The following CDKN2B-AS1 variants were observed in gnomAD, a reference collection of about 807,000 sequenced individuals.
The protein encoded by CDKN2B-AS1 is CDKN2B and CDKN2A antisense cis and trans regulatory RNA 1.
intron 1 of CDKN2B-AS1, among the ~76,000 whole-genome samples, chr9:22,044,220 T>A (rs1274634928): frequency 6.6e-6 from 1 of 151,992 alleles, no homozygotes; most frequent in African/African-American, 2.4e-5. Context: ...TTACAAAAAT[T>A]TGGATGTGAT....
intron 4 of CDKN2B-AS1, among the ~76,000 whole-genome samples, chr9:22,108,611 A>G (rs1411968436): frequency 6.6e-6 from 1 of 152,212 alleles, no homozygotes; most frequent in South Asian, 2.1e-4. Flanking sequence ...ACACTGAATT[A>G]TTCCTTTAGA....
chr9:22,013,998 G>C (rs924072338), intron 1 of CDKN2B-AS1, among the ~76,000 whole-genome samples: 1 of 152,006 alleles, frequency 6.6e-6, no homozygotes, highest in African/African-American at 2.4e-5. Flanking sequence ...GTGGGATTAC[G>C]TACTTTCACC....
Position 22,095,032 on chromosome 9 carries a change from T to A in CDKN2B-AS1, n.439-32071T>A, listed in dbSNP as rs1380141262. ...TGTTTGTTAGTTTTCCTTCTAACAG[T>A]CAGGACCCTCAGCTGCAGGTCTGTT... On this transcript the variant is annotated intron_variant and non_coding_transcript_variant, in intron 4 of 4. Coordinates refer to ENST00000650946, the Ensembl canonical transcript of CDKN2B-AS1. Among the ~76,000 whole-genome samples the A allele has an allele frequency of 1.4e-5, 2 of 145,030 alleles. 1 individual carries two copies. Among genetic ancestry groups the A allele is most frequent in the African/African-American group, 5.7e-5 (2 of 35,020 alleles).
chr9:22,051,682 A>G (rs1433341007), intron 3 of CDKN2B-AS1, among the ~76,000 whole-genome samples: 2 of 152,140 alleles, frequency 1.3e-5, no homozygotes, highest in Non-Finnish European at 2.9e-5. Context: ...TATGTAGTAA[A>G]CACTACTTAA....
chr9:22,027,422 G>GA (rs1418936823), intron 1 of CDKN2B-AS1, among the ~76,000 whole-genome samples: 1 of 152,108 alleles, frequency 6.6e-6, no homozygotes, highest in Non-Finnish European at 1.5e-5. Flanking sequence ...AAAGCACTCA[G>GA]AAAAAATGCC....
At chr9:22,029,525 C>A in intron 1 of CDKN2B-AS1, 1 of 779,496 alleles carries the variant, frequency 1.3e-6, no homozygotes, top group Non-Finnish European at 2.4e-6. Flanking sequence ...TGATCTCCGT[C>A]CTGGCCCCCA....
intron 1 of CDKN2B-AS1, among the ~76,000 whole-genome samples, chr9:22,043,571 A>T (rs1822987748): frequency 6.6e-6 from 1 of 151,612 alleles, no homozygotes; most frequent in Non-Finnish European, 1.5e-5. Context: ...TCAAAATGTG[A>T]CTCTACTTCC....
chr9:22,010,575 A>G (rs554288188), intron 1 of CDKN2B-AS1, among the ~76,000 whole-genome samples: 33 of 152,324 alleles, frequency 2.2e-4, no homozygotes, highest in Non-Finnish European at 3.7e-4. Flanking sequence ...AATTAAAAAA[A>G]GCTCTTTCTT....
At chr9:22,114,158 A>T (rs976023147) in intron 4 of CDKN2B-AS1, among the ~76,000 whole-genome samples, 2 of 151,860 alleles carry the variant, frequency 1.3e-5, no homozygotes, top group Non-Finnish European at 1.5e-5. Flanking sequence ...GATTACTCCA[A>T]CCTCCTCTCC....
chr9:22,079,139 A>G (rs1824601138), intron 4 of CDKN2B-AS1, among the ~76,000 whole-genome samples: 1 of 152,212 alleles, frequency 6.6e-6, no homozygotes, highest in Non-Finnish European at 1.5e-5. Flanking sequence ...CCAATGAAAA[A>G]CATAAATATT....
chr9:22,091,132 G>T (rs1277684845), intron 4 of CDKN2B-AS1, among the ~76,000 whole-genome samples: 2 of 152,176 alleles, frequency 1.3e-5, no homozygotes, highest in African/African-American at 4.8e-5. Context: ...AGATCAGATT[G>T]TTGTAGATAT....
chr9:22,009,029 TC>T, intron 1 of CDKN2B-AS1: 2 of 1,597,482 alleles, frequency 1.3e-6, no homozygotes, highest in Admixed American at 3.3e-5. Flanking sequence ...TTCCCTTCTT[TC>T]CCACGCTGCT....
chr9:22,057,979 TGGTGGTG>T (rs1382263927), intron 4 of CDKN2B-AS1, among the ~76,000 whole-genome samples: 9 of 148,490 alleles, frequency 6.1e-5, no homozygotes, highest in Non-Finnish European at 8.9e-5. Context: ...TAGCCAGGTG[TGGTGGTG>T]GGCACCTGTA....
chr9:22,119,731 G>A (rs553992606), intron 4 of CDKN2B-AS1: 5 of 152,324 alleles, frequency 3.3e-5, no homozygotes, highest in South Asian at 2.1e-4. Context: ...CATGATGAGT[G>A]CCAGTCTGGG....
chr9:22,094,204 C>A (rs1053116829), intron 4 of CDKN2B-AS1, among the ~76,000 whole-genome samples: 1 of 144,004 alleles, frequency 6.9e-6, no homozygotes. Context: ...GTCTGATGGG[C>A]TTCCCTTTGT....
chr9:22,053,418 C>T (rs938089187), intron 3 of CDKN2B-AS1, among the ~76,000 whole-genome samples: 8 of 152,192 alleles, frequency 5.3e-5, no homozygotes, highest in African/African-American at 1.7e-4. Context: ...TAAAGCTAAA[C>T]ATGTTTGCCA....
chr9:22,051,784 A>T (rs1823355186), intron 3 of CDKN2B-AS1, among the ~76,000 whole-genome samples: 1 of 152,148 alleles, frequency 6.6e-6, no homozygotes, highest in African/African-American at 2.4e-5. Flanking sequence ...TTCTAGGTAT[A>T]TTATACTCAC....
At chr9:22,091,457 G>A (rs1022648174) in intron 4 of CDKN2B-AS1, among the ~76,000 whole-genome samples, 17 of 152,174 alleles carry the variant, frequency 1.1e-4, no homozygotes, top group African/African-American at 3.9e-4. Flanking sequence ...TCCTACCCAT[G>A]AGCATGGAAT....
intron 4 of CDKN2B-AS1, among the ~76,000 whole-genome samples, chr9:22,113,120 C>T (rs374080023): frequency 1.3e-5 from 2 of 152,164 alleles, no homozygotes; most frequent in Non-Finnish European, 2.9e-5. Context: ...TGTGTCAGAC[C>T]TCCAGGCACT....
Sources: allele counts gnomAD v4.1 joint callset (sites outside exome capture counted in the v4.1 genomes callset), GRCh38; gene constraint gnomAD v4.1.1; transcripts MANE v1.5; gene names NCBI Gene and HGNC (gene_info 2026-07-23, HGNC 2026-07-21).